The following IL16 variants were observed in gnomAD, a reference collection of about 807,000 sequenced individuals.
The protein encoded by IL16 is pro-interleukin-16.
In IL16, 67 loss-of-function variants were observed where a neutral mutation model predicts 110.1. The observed-to-expected ratio is 0.61, with a 90% CI of 0.50 to 0.75. IL16 has a LOEUF of 0.75. Ranked by LOEUF, IL16 falls within the 30% of genes least tolerant of loss-of-function variation. The pLI is 0.00. For synonymous variants in IL16, 689 were observed against 662.9 expected (o/e 1.04, Z -0.61); for missense variants, 1,545 against 1,655.0 (o/e 0.93, Z 1.15).
At chr15:81,219,780 T>C (rs1286475604) in intron 1 of IL16, among the ~76,000 whole-genome samples, 2 of 152,168 alleles carry the variant, frequency 1.3e-5, no homozygotes, top group African/African-American at 4.8e-5. Flanking sequence ...CTAGCTGAGA[T>C]GGTTTCCTTG....
Position 81,292,802 on chromosome 15 carries a change from C to T in IL16, c.1667C>T (p.Ser556Phe). 1 of 1,614,122 alleles carries T rather than the reference C, an allele frequency of 6.2e-7. No individual in the cohort carries two copies. The highest frequency in any genetic ancestry group is 2.2e-5 in the East Asian group (1 of 44,880). ...CTGGCACGGGAGCCAGTGGTGCTTT[C>T]TATAGCATCCTCCAGGCTGCCCCAG... ...LPLAREPVVLSIASSRLPQES... is the reference protein window; with the variant it reads ...LPLAREPVVLFIASSRLPQES... The change falls in exon 12 of 19, where the codon TCT becomes TTT. Residue 556 changes from serine (S) to phenylalanine (F), a missense_variant. Physicochemically the swap from Ser to Phe is radical, Grantham distance 155. Transcript: ENST00000683961.
chr15:81,304,290 C>A (rs1469004954), intron 16 of IL16, among the ~76,000 whole-genome samples: 1 of 152,156 alleles, frequency 6.6e-6, no homozygotes, highest in Non-Finnish European at 1.5e-5. Context: ...CTGAGTATTA[C>A]AAAAAGATTC....
At chr15:81,223,658 G>A (rs1896693153) in intron 1 of IL16, among the ~76,000 whole-genome samples, 1 of 152,250 alleles carries the variant, frequency 6.6e-6, no homozygotes, top group Non-Finnish European at 1.5e-5. Flanking sequence ...GTAAAGCAAT[G>A]AGAGCAATGC....
intron 1 of IL16, among the ~76,000 whole-genome samples, chr15:81,185,182 C>G (rs9920793): frequency 0.99 from 150,235 of 152,268 alleles, 74,126 homozygotes; most frequent in East Asian, 1. Context: ...AACCACATGA[C>G]ACACTGCCAT....
intron 1 of IL16, among the ~76,000 whole-genome samples, chr15:81,189,332 C>T (rs912928285): frequency 5.9e-5 from 9 of 152,036 alleles, no homozygotes; most frequent in African/African-American, 2.2e-4. Context: ...CCATGTTGAC[C>T]CAGCTTGTGT....
intron 1 of IL16, among the ~76,000 whole-genome samples, chr15:81,203,905 C>T (rs911405431): frequency 2.6e-5 from 4 of 152,084 alleles, no homozygotes; most frequent in Non-Finnish European, 4.4e-5. Context: ...CTATAAATTA[C>T]CTTGGGCAGT....
At chr15:81,306,365 A>G in intron 17 of IL16, 55 bp from the exon 18 acceptor site, 2 of 1,603,840 alleles carry the variant, frequency 1.2e-6, no homozygotes, top group Admixed American at 1.7e-5. Context: ...AGCCCAGGGC[A>G]TCTGTGGCCT....
intron 2 of IL16, among the ~76,000 whole-genome samples, chr15:81,243,193 T>TTTTTTTTTTTG (rs1897410770): frequency 9.6e-6 from 1 of 103,646 alleles, no homozygotes; most frequent in Admixed American, 9.7e-5. Flanking sequence ...TTTTTTTTTT[T>TTTTTTTTTTTG]GAGGCAAGGT....
Position 81,285,758 on chromosome 15 carries a change from A to C in IL16, c.1260A>C (p.Glu420Asp), listed in dbSNP as rs752064548. ...DSPVHCLTLN[E>D]VYTILSHCDP... Reference sequence around the variant, plus strand: ...CTGTGCACTGCCTGACGCTCAATGAAGTCTACACGATCCTGAGTCACTGTG... The same window carrying C: ...CTGTGCACTGCCTGACGCTCAATGACGTCTACACGATCCTGAGTCACTGTG... The change falls in exon 10 of 19, where the codon GAA becomes GAC. Residue 420 changes from glutamate to aspartate, a missense_variant. Physicochemically the swap from Glu to Asp is conservative, Grantham distance 45. This residue lies in a region of IL16 where 1,185 missense variants were observed against 1,238.8 expected (regional missense o/e 0.96). Transcript: ENST00000683961. 1.9e-6 allele frequency: 3 copies of C among 1,613,966 alleles called. No individual in the cohort carries two copies. The highest frequency in any genetic ancestry group is 2.5e-6 in the Non-Finnish European group (3 of 1,179,986).
intron 5 of IL16, among the ~76,000 whole-genome samples, chr15:81,271,152 C>T (rs1567028435): frequency 1.3e-5 from 2 of 152,120 alleles, no homozygotes; most frequent in Admixed American, 6.5e-5. Flanking sequence ...TGCAGCCGGG[C>T]GCACTGGCTC....
Position 81,313,462 on chromosome 15 carries a change from G to C in IL16, c.*4664G>C, listed in dbSNP as rs976158769. 3.5e-6 allele frequency: 5 copies of C among 1,431,936 alleles called. No individual in the cohort carries two copies. Among genetic ancestry groups the C allele is most frequent in the Non-Finnish European group, 2.8e-6 (3 of 1,084,374 alleles). 88.7% of individuals were successfully genotyped at this position (1,431,936 alleles called of 1,614,324 possible). Reference sequence around the variant, plus strand: ...TGCAGCAGAGGTGCTGGGGACGAGCGCCAGGCAGGTGAGCAGAGCCCAGCC... The same window carrying C: ...TGCAGCAGAGGTGCTGGGGACGAGCCCCAGGCAGGTGAGCAGAGCCCAGCC... On this transcript the variant is annotated 3_prime_UTR_variant, in exon 19 of 19. Transcript: ENST00000683961.
At chr15:81,210,339 A>G (rs913743906) in intron 1 of IL16, among the ~76,000 whole-genome samples, 2 of 152,154 alleles carry the variant, frequency 1.3e-5, no homozygotes. Flanking sequence ...TGCCTTGGCT[A>G]TGTGGGTTCT....
rs538747009 is a variant in IL16 at position 81,201,147 on chromosome 15, G to T, written c.-102+3995G>T. The stretch of plus-strand genomic sequence containing the variant: ...CAGAAGCAGAAAATAAAAAGTGTGT[G>T]TGTGTCTCTGTGTGTGTGTGTGTGT... On this transcript the variant is annotated intron_variant, in intron 1 of 18. Coordinates refer to ENST00000683961, the MANE Select transcript of IL16 (RefSeq NM_172217.5). 6.2e-3 allele frequency among the ~76,000 whole-genome samples: 941 copies of T among 150,658 alleles called. 8 individuals carry two copies. Among genetic ancestry groups the T allele is most frequent in the Non-Finnish European group, 0.011 (730 of 67,988 alleles).
At chr15:81,239,550 C>T (rs1222774522) in intron 2 of IL16, among the ~76,000 whole-genome samples, 2 of 152,202 alleles carry the variant, frequency 1.3e-5, no homozygotes, top group East Asian at 1.9e-4. Context: ...AAATGAAGCA[C>T]TCAGCTGATG....
At chr15:81,200,147 T>G (rs547635470) in intron 1 of IL16, among the ~76,000 whole-genome samples, 1 of 152,184 alleles carries the variant, frequency 6.6e-6, no homozygotes, top group South Asian at 2.1e-4. Context: ...AAATCATATT[T>G]TATATTATCT....
In IL16 at chr15:81,285,782, T is replaced by C; in HGVS notation, c.1284T>C (p.Cys428=). 1.2e-6 allele frequency: 2 copies of C among 1,614,204 alleles called. No individual in the cohort carries two copies. The highest frequency in any genetic ancestry group is 1.7e-6 in the Non-Finnish European group (2 of 1,180,012). ...AAGTCTACACGATCCTGAGTCACTG[T>C]GATCCCGGTCCAGTCCCCATCATTG... is the stretch of plus-strand genomic sequence containing the variant. ...LNEVYTILSH[C]DPGPVPIIVS... Residue 428 remains cysteine, a synonymous_variant, in exon 10 of 19, where the codon TGT becomes TGC. Coordinates refer to ENST00000683961, the MANE Select transcript of IL16 (RefSeq NM_172217.5).
chr15:81,183,714 G>A (rs1318365642), intron 1 of IL16, among the ~76,000 whole-genome samples: 2 of 152,230 alleles, frequency 1.3e-5, no homozygotes, highest in East Asian at 1.9e-4. Context: ...TAAGGCATCC[G>A]CTGAAGTCTG....
intron 9 of IL16, among the ~76,000 whole-genome samples, chr15:81,283,220 G>T (rs927819526): frequency 1.3e-5 from 2 of 152,218 alleles, no homozygotes; most frequent in African/African-American, 4.8e-5. Flanking sequence ...GTAACCCTGA[G>T]AAATTCCAGG....
intron 1 of IL16, among the ~76,000 whole-genome samples, chr15:81,187,348 T>C (rs915755603): frequency 5.3e-5 from 8 of 152,278 alleles, no homozygotes; most frequent in African/African-American, 1.9e-4. Flanking sequence ...CCGTAATCGC[T>C]ACACTTTTGT....
Sources: gnomAD v4.1 joint callset for allele counts (sites outside exome capture counted in the v4.1 genomes callset) on GRCh38, gnomAD v4.1.1 for gene constraint, gnomAD v4.1.1 regional missense constraint, MANE v1.5 for transcripts, NCBI Gene and HGNC (gene_info 2026-07-23, HGNC 2026-07-21) for gene names.